FBLN1: variants seen among roughly 807,000 people sequenced by gnomAD.
The protein encoded by FBLN1 is fibulin 1.
FBLN1 carries 34 observed loss-of-function variants against 89.7 expected under a neutral mutation model. That is an observed-to-expected ratio of 0.38 (90% confidence interval 0.29 to 0.50). FBLN1 has a LOEUF of 0.50. Ranked by LOEUF, FBLN1 falls within the 20% of genes least tolerant of loss-of-function variation. The pLI is 0.92. For synonymous variants in FBLN1, 393 were observed against 391.3 expected (o/e 1.00, Z -0.05); for missense variants, 777 against 988.1 (o/e 0.79, Z 2.86).
intron 2 of FBLN1, chr22:45,523,259 C>A: frequency 1.4e-6 from 1 of 711,492 alleles, no homozygotes; most frequent in Non-Finnish European, 2.6e-6. Context: ...ACGGCCAGTC[C>A]CAGGGAGGAA....
At chr22:45,548,830 T>A (rs1168107015) in intron 13 of FBLN1, 86 bp downstream of exon 13, 1 of 1,579,380 alleles carries the variant, frequency 6.3e-7, no homozygotes, top group Non-Finnish European at 8.6e-7. Flanking sequence ...TCGGGGGCTG[T>A]GCTTCCCCAA....
intron 14 of FBLN1, among the ~76,000 whole-genome samples, chr22:45,555,639 C>T (rs1191425372): frequency 6.6e-6 from 1 of 152,134 alleles, no homozygotes; most frequent in Admixed American, 6.5e-5. Context: ...GCAACACCCT[C>T]ACAGACACAC....
At chr22:45,534,117 A>G (rs2088449300) in intron 7 of FBLN1, among the ~76,000 whole-genome samples, 1 of 152,160 alleles carries the variant, frequency 6.6e-6, no homozygotes, top group Admixed American at 6.5e-5. Flanking sequence ...TGTTCAGAAC[A>G]TTGAAAAAGT....
rs991861865 is a variant in FBLN1 at position 45,572,002 on chromosome 22, G to A, written c.1698-2509G>A. ...AAATTAGCTGGTCGTGGTGGTGCCCGCCTGTAATCCCAGCTACTCAGGAGG... is the reference window on the plus strand; with the variant it reads ...AAATTAGCTGGTCGTGGTGGTGCCCACCTGTAATCCCAGCTACTCAGGAGG... On this transcript the variant is annotated intron_variant, in intron 14 of 16. Transcript: ENST00000327858. The surrounding 1 kb of genome is among the most constrained non-coding windows in gnomAD (Gnocchi z 5.8). Among the ~76,000 whole-genome samples, 8 of 152,070 alleles carry A rather than the reference G, an allele frequency of 5.3e-5. No homozygotes were observed. In the South Asian group the frequency reaches 6.2e-4, roughly 12 times the overall value.
At position 45,539,205 on chromosome 22, in the gene FBLN1, C is replaced by CTT. The variant is rs549125499; in HGVS notation, c.923-2009_923-2008dup. Among the ~76,000 whole-genome samples, 360 of 93,700 alleles carry CTT rather than the reference C, an allele frequency of 3.8e-3. 6 individuals carry two copies. Among genetic ancestry groups the CTT allele is most frequent in the South Asian group, 0.023 (52 of 2,250 alleles). 61.5% of individuals were successfully genotyped at this position (93,700 alleles called of 152,430 possible). Reference sequence around the variant, plus strand: ...TCCCCCTTTCCCTCCTTCTTTTCTTCTTTTTTTTTTTTTTTTGAGACAGTC... The same window carrying CTT: ...TCCCCCTTTCCCTCCTTCTTTTCTTCTTTTTTTTTTTTTTTTTTGAGACAGTC... On this transcript the variant is annotated intron_variant, in intron 8 of 16. Transcript: ENST00000327858.
chr22:45,527,885 G>C lies in FBLN1; in HGVS notation c.360G>C (p.Gln120His). The change falls in exon 4 of 17, where the codon CAG (glutamine) becomes CAC (histidine). Residue 120 changes from glutamine to histidine, a missense_variant. Transcript: ENST00000327858. ...GCTGTCTGCTGGGGAGGGCGGCCCAGGCCCAGGGCCAGAGCTGCGAGTACA... is the reference window on the plus strand; with the variant it reads ...GCTGTCTGCTGGGGAGGGCGGCCCACGCCCAGGGCCAGAGCTGCGAGTACA... The part of the protein sequence containing the change: ...CHCCLLGRAA[Q>H]AQGQSCEYSL... 6.2e-7 allele frequency: 1 copy of C among 1,614,184 alleles called. No homozygotes were observed. Among genetic ancestry groups the C allele is most frequent in the South Asian group, 1.1e-5 (1 of 91,080 alleles).
Position 45,577,270 on chromosome 22 carries a change from C to A in FBLN1, c.1972+162C>A, listed in dbSNP as rs372264901. 1.3e-5 allele frequency among the ~76,000 whole-genome samples: 2 copies of A among 152,124 alleles called. No individual in the cohort carries two copies. The highest frequency in any genetic ancestry group is 2.9e-5 in the Non-Finnish European group (2 of 68,022). ...GGCCACCACAGCTCCCAATCGGTCTCGGCCGGAGGAACAGCCAGAGTGGGG... is the reference window on the plus strand; with the variant it reads ...GGCCACCACAGCTCCCAATCGGTCTAGGCCGGAGGAACAGCCAGAGTGGGG... On this transcript the variant is annotated intron_variant, in intron 16 of 16. Transcript: ENST00000327858. This position sits in a 1 kb window ranked among gnomAD's most constrained non-coding sequence, Gnocchi z 6.6.
At position 45,578,619 on chromosome 22, in the gene FBLN1, G is replaced by A. The variant is rs1262070451; in HGVS notation, c.1972+1511G>A. 6.8e-6 allele frequency among the ~76,000 whole-genome samples: 1 copy of A among 147,726 alleles called. No homozygotes were observed. The highest frequency in any genetic ancestry group is 2.5e-5 in the African/African-American group (1 of 39,716). The stretch of plus-strand genomic sequence containing the variant: ...GTGCAGGAGGGCAGGCAGGGAGGGG[G>A]TTGGGTCAGGGCTTTGTCCTGTCCC... On this transcript the variant is annotated intron_variant, in intron 16 of 16. Coordinates refer to ENST00000327858, the MANE Select transcript of FBLN1 (RefSeq NM_006486.3). The surrounding 1 kb of genome is among the most constrained non-coding windows in gnomAD (Gnocchi z 4.6).
intron 16 of FBLN1, among the ~76,000 whole-genome samples, chr22:45,582,814 T>A (rs1330969676): frequency 6.6e-6 from 1 of 152,218 alleles, no homozygotes; most frequent in African/African-American, 2.4e-5. Context: ...TGCGTGTGTG[T>A]GGGTGCGTGT....
chr22:45,525,438 CAGGGAAGGGG>C, intron 2 of FBLN1, 95 bp from the exon 3 acceptor site: 1 of 993,768 alleles, frequency 1.0e-6, no homozygotes, highest in Non-Finnish European at 1.5e-6. Context: ...TCTGTGGGAG[CAGGGAAGGGG>C]AGGCTCAAAG....
chr22:45,520,444 C>T (rs919974025), intron 2 of FBLN1, among the ~76,000 whole-genome samples: 1 of 151,106 alleles, frequency 6.6e-6, no homozygotes, highest in African/African-American at 2.4e-5. Context: ...GTGTCCTGCT[C>T]ACCGCTTCCT....
rs2089090383 is a variant in FBLN1, at chr22:45,586,820, C to T, written c.1972+9712C>T. On this transcript the variant is annotated intron_variant, in intron 16 of 16. Transcript: ENST00000327858. Reference sequence around the variant, plus strand: ...CACATCCATTCACCCTGGAGTCAGCCCGAGGGCCCAGGCAGGGTGGGGTCC... The same window carrying T: ...CACATCCATTCACCCTGGAGTCAGCTCGAGGGCCCAGGCAGGGTGGGGTCC... Among the ~76,000 whole-genome samples the T allele has an allele frequency of 2.0e-5, 3 of 152,014 alleles. 1 individual carries two copies. Among genetic ancestry groups the T allele is most frequent in the African/African-American group, 4.8e-5 (2 of 41,382 alleles).
chr22:45,511,185 G>A (rs1022412033), intron 1 of FBLN1, among the ~76,000 whole-genome samples: 24 of 142,662 alleles, frequency 1.7e-4, no homozygotes, highest in Middle Eastern at 3.5e-3. Flanking sequence ...ACAGAGTTTC[G>A]CTCTTGTTGC....
intron 14 of FBLN1, chr22:45,558,733 T>A (rs1273401653): frequency 6.5e-6 from 1 of 152,762 alleles, no homozygotes; most frequent in Non-Finnish European, 1.5e-5. Flanking sequence ...TGTCTCTTTC[T>A]TGGTTGTAGG....
At chr22:45,594,720 GGATGGATGGATA>G (rs957435609) in intron 16 of FBLN1, among the ~76,000 whole-genome samples, 10 of 148,260 alleles carry the variant, frequency 6.7e-5, no homozygotes, top group South Asian at 4.3e-4. Flanking sequence ...ATGGATGGAT[GGATGGATGGATA>G]GATGGATGGG....
chr22:45,563,033 G>C lies in FBLN1; in HGVS notation c.1698-11478G>C. The C allele has an allele frequency of 6.2e-7, 1 of 1,613,280 alleles. No individual in the cohort carries two copies. Among genetic ancestry groups the C allele is most frequent in the African/African-American group, 1.3e-5 (1 of 74,982 alleles). On this transcript the variant is annotated intron_variant, in intron 14 of 16. Transcript: ENST00000327858. The surrounding 1 kb of genome is among the most constrained non-coding windows in gnomAD (Gnocchi z 5.7). ...AGCGCCCGCGGTGGTTTTCCGCATG[G>C]GCCCCTCCAGTGCTGTCCCCGGGGA...
chr22:45,524,119 G>A (rs746667538), intron 2 of FBLN1, among the ~76,000 whole-genome samples: 7 of 152,186 alleles, frequency 4.6e-5, no homozygotes, highest in Non-Finnish European at 1.0e-4. Flanking sequence ...TGAGACACAC[G>A]GGCAGCCGGG....
Position 45,545,359 on chromosome 22 carries a change from A to G in FBLN1, c.1322-1726A>G, listed in dbSNP as rs1405961489. Reference sequence around the variant, plus strand: ...TAGGGGGTTGTGAGGATGAAACGAGATTAAGCATGTGAAGAGCTTATCACA... The same window carrying G: ...TAGGGGGTTGTGAGGATGAAACGAGGTTAAGCATGTGAAGAGCTTATCACA... On this transcript the variant is annotated intron_variant, in intron 11 of 16. Coordinates refer to ENST00000327858, the MANE Select transcript of FBLN1 (RefSeq NM_006486.3). The surrounding 1 kb of genome is among the most constrained non-coding windows in gnomAD (Gnocchi z 5.9). 6.6e-6 allele frequency among the ~76,000 whole-genome samples: 1 copy of G among 152,184 alleles called. No homozygotes were observed. Among genetic ancestry groups the G allele is most frequent in the African/African-American group, 2.4e-5 (1 of 41,432 alleles).
At position 45,535,812 on chromosome 22, in the gene FBLN1, G is replaced by A. The variant is rs9614692; in HGVS notation, c.922+475G>A. 3.9e-3 allele frequency among the ~76,000 whole-genome samples: 601 copies of A among 152,284 alleles called. 5 individuals carry two copies. The highest frequency in any genetic ancestry group is 0.014 in the African/African-American group (585 of 41,560). The stretch of plus-strand genomic sequence containing the variant: ...AGGCCAGGATTAGGCGAGTACTTGC[G>A]AAGTACTGGTACACAGGAAGCACTC... On this transcript the variant is annotated intron_variant, in intron 8 of 16. Coordinates refer to ENST00000327858, the MANE Select transcript of FBLN1 (RefSeq NM_006486.3).
Sources: allele counts gnomAD v4.1 joint callset (sites outside exome capture counted in the v4.1 genomes callset), GRCh38; gene constraint gnomAD v4.1.1; non-coding constraint Gnocchi (gnomAD v3.1); transcripts MANE v1.5; gene names NCBI Gene and HGNC (gene_info 2026-07-23, HGNC 2026-07-21).